The following STARD9 variants were observed in gnomAD, a reference collection of about 807,000 sequenced individuals.
The protein encoded by STARD9 is StAR related lipid transfer domain containing 9.
Under a neutral mutation model 399.8 loss-of-function variants are expected in STARD9, and 346 were observed. The observed-to-expected ratio is 0.87, with a 90% CI of 0.79 to 0.95. The LOEUF (loss-of-function observed/expected upper bound fraction) is 0.95, where lower values mean the gene tolerates loss of function less well. Ranked by LOEUF, STARD9 falls within the 40% of genes least tolerant of loss-of-function variation. The probability of loss-of-function intolerance (pLI) is 0.00; values close to 1 mark genes in which losing one functional copy is unlikely to be tolerated. For missense variants in STARD9, 5,832 were observed against 5,667.5 expected (o/e 1.03, Z -0.93); for synonymous variants, 2,203 against 2,143.5 (o/e 1.03, Z -0.77).
intron 3 of STARD9, among the ~76,000 whole-genome samples, chr15:42,612,987 G>C (rs1374332509): frequency 2.5e-5 from 2 of 81,618 alleles, no homozygotes; most frequent in African/African-American, 7.4e-5. Context: ...ATGTCTCAGA[G>C]GGGAAAAAAA....
At chr15:42,582,054 G>A (rs1025180759) in intron 1 of STARD9, among the ~76,000 whole-genome samples, 2 of 152,192 alleles carry the variant, frequency 1.3e-5, no homozygotes, top group Admixed American at 6.5e-5. Context: ...TGGAAGAAAT[G>A]CTTAAGCCTA....
At chr15:42,579,299 C>T (rs2058121382) in intron 1 of STARD9, among the ~76,000 whole-genome samples, 1 of 152,160 alleles carries the variant, frequency 6.6e-6, no homozygotes, top group Non-Finnish European at 1.5e-5. Context: ...AAATAAAGAG[C>T]TCCTGGGGGA....
chr15:42,706,985 G>A (rs926217197), intron 26 of STARD9, among the ~76,000 whole-genome samples: 1 of 151,922 alleles, frequency 6.6e-6, no homozygotes, highest in African/African-American at 2.4e-5. Context: ...TTCTTTTAAT[G>A]TGTTGGAGTC....
At chr15:42,662,527 G>A (rs2060011346) in intron 10 of STARD9, among the ~76,000 whole-genome samples, 1 of 152,150 alleles carries the variant, frequency 6.6e-6, no homozygotes, top group African/African-American at 2.4e-5. Context: ...CTGTAAATGA[G>A]CATTACATTT....
chr15:42,704,856 C>A (rs1001075680), intron 26 of STARD9, among the ~76,000 whole-genome samples: 6 of 152,210 alleles, frequency 3.9e-5, no homozygotes, highest in African/African-American at 1.4e-4. Context: ...GTGGGCAGTC[C>A]TGTGGCTGCC....
intron 9 of STARD9, among the ~76,000 whole-genome samples, chr15:42,655,833 A>T (rs949559988): frequency 2.0e-5 from 3 of 152,212 alleles, no homozygotes; most frequent in Non-Finnish European, 4.4e-5. Flanking sequence ...TATGCATCCT[A>T]CGAAGGACTA....
At chr15:42,642,352 A>C (rs192644540) in intron 7 of STARD9, among the ~76,000 whole-genome samples, 48 of 152,348 alleles carry the variant, frequency 3.2e-4, no homozygotes, top group African/African-American at 1.2e-3. Flanking sequence ...ATTAGTCGAG[A>C]GATTAAGTTG....
Position 42,686,456 on chromosome 15 carries a change from G to A in STARD9, c.4878G>A (p.Gln1626=), listed in dbSNP as rs1323356171. The part of the protein sequence containing the change: ...DSMTEACEVK[Q]NNLEECLQSC... ...TGACAGAAGCATGTGAAGTCAAGCA[G>A]AACAACTTGGAAGAATGCCTTCAGA... The change falls in exon 23 of 33, where the codon CAG becomes CAA. Residue 1626 remains glutamine (Q), a synonymous_variant. Coordinates refer to ENST00000290607, the MANE Select transcript of STARD9 (RefSeq NM_020759.3). 4 of 1,537,800 alleles carry A rather than the reference G, an allele frequency of 2.6e-6. No homozygotes were observed. The South Asian group carries it at 4.8e-5, about 18-fold the overall frequency.
intron 3 of STARD9, among the ~76,000 whole-genome samples, chr15:42,586,537 C>G (rs138430407): frequency 0.021 from 3,254 of 152,302 alleles, 133 homozygotes; most frequent in African/African-American, 0.075. Flanking sequence ...CCCATCATGG[C>G]CAGCAAGCCT....
intron 7 of STARD9, among the ~76,000 whole-genome samples, chr15:42,644,727 A>C (rs1465162060): frequency 1.3e-5 from 2 of 152,038 alleles, no homozygotes; most frequent in African/African-American, 4.8e-5. Flanking sequence ...TTTCATGAAA[A>C]ATTTTTCTGT....
intron 19 of STARD9, 34 bp from the exon 20 acceptor site, chr15:42,675,838 C>G: frequency 6.5e-7 from 1 of 1,535,002 alleles, no homozygotes; most frequent in Non-Finnish European, 8.7e-7. Context: ...GAGGCGATGA[C>G]AGCAGCCTCA....
chr15:42,697,210 C>T (rs1467457183), intron 26 of STARD9, among the ~76,000 whole-genome samples: 18 of 152,028 alleles, frequency 1.2e-4, no homozygotes. Context: ...TTTGCTTTTT[C>T]TTTTAAAAAT....
At chr15:42,717,172 T>G in intron 28 of STARD9, 124 bp downstream of exon 28, 1 of 1,062,842 alleles carries the variant, frequency 9.4e-7, no homozygotes, top group Non-Finnish European at 1.3e-6. Flanking sequence ...GCATCTTCAG[T>G]GGTTCTTCAT....
At chr15:42,651,172 A>G in intron 8 of STARD9, 87 bp downstream of exon 8, 2 of 946,430 alleles carry the variant, frequency 2.1e-6, no homozygotes, top group Admixed American at 2.4e-5. Context: ...GTATAATGAC[A>G]CTTAAAATTG....
At chr15:42,716,480 G>A (rs2061351940) in intron 26 of STARD9, among the ~76,000 whole-genome samples, 197 bp from the exon 27 acceptor site, 1 of 152,164 alleles carries the variant, frequency 6.6e-6, no homozygotes, top group Non-Finnish European at 1.5e-5. Flanking sequence ...GGCTTAGAGG[G>A]GGAGCAGAGA....
intron 26 of STARD9, among the ~76,000 whole-genome samples, chr15:42,712,096 TAATATATAATATATAATATATA>T (rs2061244743): frequency 2.0e-3 from 1 of 508 alleles, no homozygotes; most frequent in Non-Finnish European, 6.0e-3. Flanking sequence ...TATATATATA[TAATATATAATATATAATATATA>T]ATATATATAT....
At chr15:42,578,147 G>A (rs1314978033) in intron 1 of STARD9, among the ~76,000 whole-genome samples, 2 of 148,164 alleles carry the variant, frequency 1.3e-5, no homozygotes, top group Admixed American at 1.4e-4. Flanking sequence ...GTCTCACTCT[G>A]TCACCCAGGC....
At chr15:42,590,981 CA>C (rs2141696238) in intron 3 of STARD9, among the ~76,000 whole-genome samples, 1 of 152,302 alleles carries the variant, frequency 6.6e-6, no homozygotes, top group Admixed American at 6.5e-5. Context: ...CAAACTGTGT[CA>C]GTGCTGCCTT....
chr15:42,682,910 A>G (rs1307142375), intron 22 of STARD9, among the ~76,000 whole-genome samples: 2 of 151,838 alleles, frequency 1.3e-5, no homozygotes, highest in Non-Finnish European at 2.9e-5. Flanking sequence ...TCACACCTCA[A>G]TCTTGTCATG....
Sources: gnomAD v4.1 joint callset for allele counts (sites outside exome capture counted in the v4.1 genomes callset) on GRCh38, gnomAD v4.1.1 for gene constraint, MANE v1.5 for transcripts, NCBI Gene and HGNC (gene_info 2026-07-23, HGNC 2026-07-21) for gene names.